The following CEP43 variants were observed in gnomAD, a reference collection of about 807,000 sequenced individuals.
CEP43 encodes the protein centrosomal protein 43.
CEP43 carries 36 observed loss-of-function variants against 52.6 expected under a neutral mutation model. The observed-to-expected ratio is 0.68, with a 90% CI of 0.52 to 0.90. The LOEUF (loss-of-function observed/expected upper bound fraction) is 0.90. Among genes scored for constraint, CEP43 ranks in the 40% least tolerant of loss-of-function variants. CEP43 has a pLI of 0.00. For synonymous variants in CEP43, 192 were observed against 172.4 expected (o/e 1.11, Z -0.89); for missense variants, 506 against 472.8 (o/e 1.07, Z -0.65).
rs1780762905 is a variant in CEP43, at chr6:167,044,543, G to A, written c.*4565G>A. On this transcript the variant is annotated 3_prime_UTR_variant, in exon 13 of 13. Coordinates refer to ENST00000366847, the MANE Select transcript of CEP43 (RefSeq NM_007045.4). ...CTGGGTGTGCACCGGGTGAATGAGA[G>A]TGGCAGACAGAAGGAAACAGCAAGG... 1.0e-6 allele frequency: 1 copy of A among 985,350 alleles called. No individual in the cohort carries two copies. Among genetic ancestry groups the A allele is most frequent in the African/African-American group, 1.7e-5 (1 of 57,252 alleles). 61.0% of individuals were successfully genotyped at this position (985,350 alleles called of 1,614,324 possible).
intron 12 of CEP43, chr6:167,035,993 G>T: frequency 1.1e-6 from 1 of 888,178 alleles, no homozygotes; most frequent in South Asian, 5.2e-5. Context: ...TTCAATAAAT[G>T]GTATCTAATA....
At position 167,044,266 on chromosome 6, in the gene CEP43, T is replaced by A; in HGVS notation, c.*4288T>A. ...GGTAACATTTGAATCTAAAAGAGGC[T>A]ATATGAAAGAGGTTATAATAAAAAT... On this transcript the variant is annotated 3_prime_UTR_variant, in exon 13 of 13. Coordinates refer to ENST00000366847, the MANE Select transcript of CEP43 (RefSeq NM_007045.4). 4.0e-6 allele frequency: 1 copy of A among 253,144 alleles called. No homozygotes were observed. Among genetic ancestry groups the A allele is most frequent in the Non-Finnish European group, 6.2e-6 (1 of 160,260 alleles). 15.7% of individuals were successfully genotyped at this position (253,144 alleles called of 1,614,324 possible).
intron 12 of CEP43, among the ~76,000 whole-genome samples, chr6:167,038,573 C>G (rs753081063): frequency 1.3e-5 from 2 of 152,136 alleles, no homozygotes; most frequent in Admixed American, 6.5e-5. Context: ...TACAGTTTTT[C>G]ACTAATTTGT....
chr6:167,022,288 A>G (rs1780253314), intron 7 of CEP43, 121 bp from the exon 8 acceptor site: 1 of 660,364 alleles, frequency 1.5e-6, no homozygotes, highest in Non-Finnish European at 2.6e-6. Flanking sequence ...ACACACACAC[A>G]CACACACAAA....
intron 11 of CEP43, among the ~76,000 whole-genome samples, chr6:167,033,128 T>TTTG (rs1554276378): frequency 1.2e-5 from 1 of 80,940 alleles, no homozygotes; most frequent in Non-Finnish European, 2.4e-5. Context: ...TTTTTTTTTT[T>TTTG]GAGACAGAGT....
chr6:167,024,707 T>A, intron 8 of CEP43, 75 bp from the exon 9 acceptor site: 1 of 985,714 alleles, frequency 1.0e-6, no homozygotes, highest in Non-Finnish European at 1.6e-6. Flanking sequence ...AAGTTGCTTT[T>A]GTTTCTGTGG....
At chr6:167,007,613 G>C (rs950369560) in intron 5 of CEP43, among the ~76,000 whole-genome samples, 1 of 152,152 alleles carries the variant, frequency 6.6e-6, no homozygotes, top group African/African-American at 2.4e-5. Context: ...TACTTTGGAA[G>C]AAAACCTGTT....
chr6:167,018,900 T>C (rs11758496), intron 7 of CEP43, among the ~76,000 whole-genome samples: 11,202 of 152,206 alleles, frequency 0.074, 506 homozygotes, highest in African/African-American at 0.12. Context: ...TGGTCCCCAA[T>C]GTTACAACAG....
rs1436927780 is a variant in CEP43 at position 167,039,921 on chromosome 6, A to G, written c.1143A>G (p.Gln381=). ...NTSDKLDDLT[Q]DLTVSQLSDV... is the part of the protein sequence containing the mutation. ...CAACAAAGCTTGATGACCTCACACA[A>G]GATCTGACTGTATCCCAGCTCAGTG... The change falls in exon 13 of 13, where the codon CAA becomes CAG. Residue 381 remains glutamine (Q), a synonymous_variant. Coordinates refer to ENST00000366847, the MANE Select transcript of CEP43 (RefSeq NM_007045.4). 6.2e-7 allele frequency: 1 copy of G among 1,613,812 alleles called. No homozygotes were observed. Among genetic ancestry groups the G allele is most frequent in the Admixed American group, 1.7e-5 (1 of 60,020 alleles).
intron 12 of CEP43, chr6:167,036,297 C>T: frequency 9.1e-6 from 9 of 985,398 alleles, no homozygotes; most frequent in Non-Finnish European, 1.1e-5. Context: ...CGGGACATGT[C>T]AGTGCTGCCC....
At chr6:167,035,585 T>C (rs75051067) in intron 12 of CEP43, among the ~76,000 whole-genome samples, 1 of 151,610 alleles carries the variant, frequency 6.6e-6, no homozygotes, top group Admixed American at 6.6e-5. Flanking sequence ...TTTTTTTTTT[T>C]AGACAGAGTC....
At chr6:167,037,412 A>T (rs535976103) in intron 12 of CEP43, among the ~76,000 whole-genome samples, 2 of 152,358 alleles carry the variant, frequency 1.3e-5, no homozygotes, top group Admixed American at 1.3e-4. Context: ...CTCTGTAATA[A>T]TGATGGGAAG....
chr6:167,028,732 C>G (rs1220376701), intron 10 of CEP43, among the ~76,000 whole-genome samples: 1 of 152,060 alleles, frequency 6.6e-6, no homozygotes, highest in Admixed American at 6.5e-5. Flanking sequence ...AGTAACTTGC[C>G]CAAGGTCATG....
At chr6:167,028,737 G>A (rs1780405536) in intron 10 of CEP43, among the ~76,000 whole-genome samples, 1 of 152,092 alleles carries the variant, frequency 6.6e-6, no homozygotes. Flanking sequence ...CTTGCCCAAG[G>A]TCATGCTGCT....
Position 167,003,645 on chromosome 6 carries a change from G to A in CEP43, c.212-78G>A, listed in dbSNP as rs975531458. ...GAAACCTTTCTTCCATTAATTTAGT[G>A]TATCTATTTCATAATGTTAATTTAA... On this transcript the variant is annotated intron_variant, in intron 3 of 12. Coordinates refer to ENST00000366847, the MANE Select transcript of CEP43 (RefSeq NM_007045.4). The A allele has an allele frequency of 1.3e-5, 10 of 799,312 alleles. No homozygotes were observed. The African/African-American group carries it at 1.6e-4, about 13-fold the overall frequency. The allele number at this position is 799,312 out of a possible 1,614,324, so 49.5% of individuals were successfully genotyped here. A position where few individuals can be genotyped will look rare whatever the true frequency, so the allele number is the denominator to read the frequency against.
intron 8 of CEP43, among the ~76,000 whole-genome samples, chr6:167,024,577 G>C (rs73028283): frequency 6.6e-6 from 1 of 152,224 alleles, no homozygotes; most frequent in East Asian, 1.9e-4. Flanking sequence ...GATTTCTTAC[G>C]CCCTGGCTGT....
rs1394556124 is a variant in CEP43, at chr6:167,043,942, A to G, written c.*3964A>G. On this transcript the variant is annotated 3_prime_UTR_variant, in exon 13 of 13. Coordinates refer to ENST00000366847, the MANE Select transcript of CEP43 (RefSeq NM_007045.4). Reference sequence around the variant, plus strand: ...CCCAAAATGTGTATGTCGAAACCTAATCCCACATAGGATGGAATTAGGTAG... The same window carrying G: ...CCCAAAATGTGTATGTCGAAACCTAGTCCCACATAGGATGGAATTAGGTAG... 1 of 152,224 alleles carries G rather than the reference A, an allele frequency of 6.6e-6. No individual in the cohort carries two copies. The highest frequency in any genetic ancestry group is 2.4e-5 in the African/African-American group (1 of 41,448). The allele number at this position is 152,224 out of a possible 1,614,324, so 9.4% of individuals were successfully genotyped here. A position where few individuals can be genotyped will look rare whatever the true frequency, so the allele number is the denominator to read the frequency against.
rs1455564623 is a variant in CEP43 at position 167,041,136 on chromosome 6, A to C, written c.*1158A>C. 9.6e-7 allele frequency: 1 copy of C among 1,043,050 alleles called. No homozygotes were observed. Among genetic ancestry groups the C allele is most frequent in the East Asian group, 5.8e-5 (1 of 17,354 alleles). The allele number at this position is 1,043,050 out of a possible 1,614,324, so 64.6% of individuals were successfully genotyped here. ...CTTTTTACTACAAGTTAACTTTATT[A>C]GTAAAAGGAGCAAATTAGACCTAAT... On this transcript the variant is annotated 3_prime_UTR_variant, in exon 13 of 13. Coordinates refer to ENST00000366847, the MANE Select transcript of CEP43 (RefSeq NM_007045.4).
chr6:167,022,292 A>C (rs1780253972), intron 7 of CEP43, 117 bp from the exon 8 acceptor site: 1 of 672,218 alleles, frequency 1.5e-6, no homozygotes. Flanking sequence ...ACACACACAC[A>C]CACAAAGGTT....
Sources: allele counts gnomAD v4.1 joint callset (sites outside exome capture counted in the v4.1 genomes callset), GRCh38; gene constraint gnomAD v4.1.1; transcripts MANE v1.5; gene names NCBI Gene and HGNC (gene_info 2026-07-23, HGNC 2026-07-21).